Variants in KIAA1328 observed in about 807,000 individuals in gnomAD.
The protein encoded by KIAA1328 is KIAA1328, also known as protein hinderin.
Under a neutral mutation model 68.1 loss-of-function variants are expected in KIAA1328, and 52 were observed. That is an observed-to-expected ratio of 0.76 (90% CI 0.61 to 0.96). KIAA1328 has a LOEUF of 0.96. KIAA1328 is among the 40% of genes least tolerant of loss of function. KIAA1328 has a pLI of 0.00. For synonymous variants in KIAA1328, 232 were observed against 239.4 expected, an observed-to-expected ratio of 0.97 and a Z score of 0.28; for missense variants, 641 against 677.6, an observed-to-expected ratio of 0.95 and a Z score of 0.60.
chr18:36,999,493 A>G (rs1483924308), intron 6 of KIAA1328, among the ~76,000 whole-genome samples: 1 of 152,232 alleles, frequency 6.6e-6, no homozygotes, highest in Non-Finnish European at 1.5e-5. Flanking sequence ...GAAATAAAAA[A>G]TAGAGCAAAT....
At chr18:37,183,990 A>G (rs2059746331) in intron 9 of KIAA1328, among the ~76,000 whole-genome samples, 1 of 152,196 alleles carries the variant, frequency 6.6e-6, no homozygotes, top group Non-Finnish European at 1.5e-5. Flanking sequence ...GAGCATGAGT[A>G]CTTTTTCTAT....
intron 7 of KIAA1328, among the ~76,000 whole-genome samples, chr18:37,096,857 C>A (rs1409077524): frequency 6.6e-6 from 1 of 152,154 alleles, no homozygotes; most frequent in African/African-American, 2.4e-5. Flanking sequence ...TGTCTTTTGG[C>A]TGCATAAATG....
intron 9 of KIAA1328, among the ~76,000 whole-genome samples, chr18:37,219,245 G>A (rs140984176): frequency 8.6e-4 from 131 of 152,270 alleles, no homozygotes; most frequent in African/African-American, 2.5e-3. Context: ...GGTGTCAGTC[G>A]GCCCCTACTG....
intron 6 of KIAA1328, among the ~76,000 whole-genome samples, chr18:37,054,723 A>G (rs988176471): frequency 5.3e-5 from 8 of 152,206 alleles, no homozygotes; most frequent in Admixed American, 3.3e-4. Flanking sequence ...TACATCCACT[A>G]TTTGGGTGAT....
chr18:36,965,507 GCCAGGCGTGGTGGCCA>G (rs1291443092), intron 6 of KIAA1328, among the ~76,000 whole-genome samples: 1 of 13,420 alleles, frequency 7.5e-5, no homozygotes, highest in African/African-American at 3.2e-4. Flanking sequence ...CACAAAATTA[GCCAGGCGTGGTGGCCA>G]CCACGCCTGG....
At chr18:37,171,415 A>G (rs997969903) in intron 8 of KIAA1328, among the ~76,000 whole-genome samples, 5 of 151,900 alleles carry the variant, frequency 3.3e-5, no homozygotes, top group African/African-American at 1.2e-4. Flanking sequence ...GGATCTTGCT[A>G]TGTTGCCCAG....
chr18:37,148,486 A>G (rs1287021700), intron 7 of KIAA1328, among the ~76,000 whole-genome samples: 1 of 152,180 alleles, frequency 6.6e-6, no homozygotes, highest in African/African-American at 2.4e-5. Flanking sequence ...TCCTTTGGGT[A>G]TATACCCAGT....
At chr18:37,184,140 A>G (rs1599535866) in intron 9 of KIAA1328, among the ~76,000 whole-genome samples, 1 of 152,356 alleles carries the variant, frequency 6.6e-6, no homozygotes, top group Non-Finnish European at 1.5e-5. Flanking sequence ...AGTTCATGAC[A>G]TTCCAGTAGA....
chr18:37,044,883 A>T (rs1480431932), intron 6 of KIAA1328, among the ~76,000 whole-genome samples: 2 of 152,156 alleles, frequency 1.3e-5, no homozygotes, highest in East Asian at 3.8e-4. Context: ...ACTTGTTAAA[A>T]TGTTAAAAAT....
At chr18:36,877,090 T>A (rs1217138701) in intron 4 of KIAA1328, among the ~76,000 whole-genome samples, 1 of 152,210 alleles carries the variant, frequency 6.6e-6, no homozygotes, top group East Asian at 1.9e-4. Context: ...AGTGTTTTAC[T>A]TCCAATTATG....
At chr18:36,870,052 C>T (rs138551072) in intron 4 of KIAA1328, among the ~76,000 whole-genome samples, 2,145 of 151,998 alleles carry the variant, frequency 0.014, 47 homozygotes, top group African/African-American at 0.049. Context: ...TTAGTAGAGA[C>T]GGGGTTTCAC....
intron 5 of KIAA1328, among the ~76,000 whole-genome samples, chr18:36,921,683 C>T (rs912132142): frequency 5.9e-5 from 9 of 152,134 alleles, no homozygotes; most frequent in Non-Finnish European, 8.8e-5. Context: ...GGAATACAGG[C>T]GTGAGCCACT....
chr18:37,215,368 A>G (rs1373382684), intron 9 of KIAA1328, among the ~76,000 whole-genome samples: 1 of 151,998 alleles, frequency 6.6e-6, no homozygotes, highest in African/African-American at 2.4e-5. Flanking sequence ...AAGGCTGTTG[A>G]ATTTTGTTGA....
chr18:37,208,230 ATAG>A (rs763753195), intron 9 of KIAA1328, among the ~76,000 whole-genome samples: 27 of 152,114 alleles, frequency 1.8e-4, no homozygotes, highest in Non-Finnish European at 4.0e-4. Context: ...GCAGGCAGAG[ATAG>A]TAGGAATGGC....
At chr18:37,002,990 T>G (rs911399351) in intron 6 of KIAA1328, among the ~76,000 whole-genome samples, 3 of 152,052 alleles carry the variant, frequency 2.0e-5, no homozygotes, top group African/African-American at 4.8e-5. Flanking sequence ...AATAGACATA[T>G]AGACCAATGG....
At chr18:36,853,849 G>A (rs941384216) in intron 4 of KIAA1328, among the ~76,000 whole-genome samples, 2 of 151,946 alleles carry the variant, frequency 1.3e-5, no homozygotes, top group Non-Finnish European at 2.9e-5. Flanking sequence ...ATAGAGACGA[G>A]GTTTCACCAG....
intron 6 of KIAA1328, among the ~76,000 whole-genome samples, chr18:36,977,007 G>T (rs1276314383): frequency 6.6e-6 from 1 of 152,068 alleles, no homozygotes; most frequent in Non-Finnish European, 1.5e-5. Flanking sequence ...TATCTTCTTG[G>T]TTACTCTAAT....
intron 9 of KIAA1328, among the ~76,000 whole-genome samples, chr18:37,209,587 T>C (rs752748234): frequency 2.0e-5 from 3 of 151,910 alleles, no homozygotes; most frequent in Non-Finnish European, 4.4e-5. Context: ...TTTGAGGAGG[T>C]GACATTTAAA....
intron 7 of KIAA1328, among the ~76,000 whole-genome samples, chr18:37,149,759 G>T (rs2058986293): frequency 6.6e-6 from 1 of 152,040 alleles, no homozygotes. Flanking sequence ...TTTCAACCTT[G>T]TAGCAGCTAC....
Sources: gnomAD v4.1 joint callset for allele counts (sites outside exome capture counted in the v4.1 genomes callset) on GRCh38, gnomAD v4.1.1 for gene constraint, MANE v1.5 for transcripts, NCBI Gene and HGNC (gene_info 2026-07-23, HGNC 2026-07-21) for gene names.